RGPD1: variants seen among roughly 807,000 people sequenced by gnomAD.
The protein encoded by RGPD1 is RANBP2 like and GRIP domain containing 1, also known as RANBP2-like and GRIP domain-containing protein 1.
RGPD1 carries 7 observed loss-of-function variants against 40.6 expected under a neutral mutation model. That is an observed-to-expected ratio of 0.17 (90% CI 0.10 to 0.32). The LOEUF (loss-of-function observed/expected upper bound fraction) is 0.32. RGPD1 is among the 10% of genes least tolerant of loss of function. The pLI, the probability that RGPD1 is intolerant of heterozygous loss-of-function variation, is 1.00. For missense variants in RGPD1, 50 were observed against 472.5 expected (o/e 0.11, Z 8.29); for synonymous variants, 24 against 167.0 (o/e 0.14, Z 6.60).
At position 86,930,737 on chromosome 2, in the gene RGPD1, G is replaced by A. The variant is rs1480913417; in HGVS notation, c.72+16816G>A. 114 of 1,499,452 alleles carry A rather than the reference G, an allele frequency of 7.6e-5. 5 individuals carry two copies. The East Asian group carries it at 2.4e-3, about 32-fold the overall frequency. The allele number at this position is 1,499,452 out of a possible 1,614,324, so 92.9% of individuals were successfully genotyped here. A position where few individuals can be genotyped will look rare whatever the true frequency, so the allele number is the denominator to read the frequency against. ...CCCAGGCCTCCTCGCTGCCGTTCCC[G>A]CTGCTGGCCCGAGCCATACCTCCAC... On this transcript the variant is annotated intron_variant, in intron 1 of 22. Transcript: ENST00000398193.
chr2:86,941,825 C>T (rs1302493521), upstream of RGPD1, among the ~76,000 whole-genome samples: 1 of 151,284 alleles, frequency 6.6e-6, no homozygotes, highest in Non-Finnish European at 1.5e-5. Flanking sequence ...ATTCTCGTGC[C>T]TCAGCCTCCC....
At chr2:86,915,134 G>A (rs1365012185) in intron 1 of RGPD1, among the ~76,000 whole-genome samples, 4 of 149,736 alleles carry the variant, frequency 2.7e-5, no homozygotes, top group African/African-American at 7.4e-5. Context: ...TTTCTCTACT[G>A]AAAATACAAA....
chr2:86,943,907 G>A (rs543322929), intron 1 of RGPD1, among the ~76,000 whole-genome samples: 3 of 151,994 alleles, frequency 2.0e-5, no homozygotes, highest in African/African-American at 4.8e-5. Context: ...CCAGCTACCC[G>A]GGAGGCTGAG....
chr2:86,931,727 T>G (rs1421256528), intron 1 of RGPD1, among the ~76,000 whole-genome samples: 2 of 151,574 alleles, frequency 1.3e-5, no homozygotes, highest in Non-Finnish European at 2.9e-5. Flanking sequence ...TCCAAGTAGT[T>G]TCTAAAGAGA....
chr2:86,925,630 T>C, intron 1 of RGPD1, among the ~76,000 whole-genome samples: 1 of 152,138 alleles, frequency 6.6e-6, no homozygotes, highest in East Asian at 1.9e-4. Flanking sequence ...GGAAAAAAAA[T>C]GAAGCCTATG....
At chr2:86,931,898 CAT>C (rs1220539095) in intron 1 of RGPD1, among the ~76,000 whole-genome samples, 2 of 147,916 alleles carry the variant, frequency 1.4e-5, no homozygotes, top group African/African-American at 4.9e-5. Flanking sequence ...GGTAGTTAGA[CAT>C]ATAGACAGAG....
At position 86,942,261 on chromosome 2, in the gene RGPD1, G is replaced by C; in HGVS notation, c.25G>C (p.Glu9Gln). Residue 9 changes from glutamate to glutamine, a missense_variant, in exon 1 of 23, where the codon GAG (glutamate) becomes CAG (glutamine). Coordinates refer to ENST00000641458, the MANE Select transcript of RGPD1 (RefSeq NM_001382344.1). The part of the protein sequence containing the change: MRRSKAYG[E>Q]RYVASVQGSA... The stretch of plus-strand genomic sequence containing the variant: ...GATGAGGCGCAGCAAGGCCTACGGG[G>C]AGCGGTACGTCGCCTCGGTGCAGGG... 3.7e-6 allele frequency: 6 copies of C among 1,607,640 alleles called. No homozygotes were observed. The highest frequency in any genetic ancestry group is 5.1e-6 in the Non-Finnish European group (6 of 1,178,026).
intron 6 of RGPD1, among the ~76,000 whole-genome samples, chr2:86,962,587 A>G (rs2104812955): frequency 7.6e-6 from 1 of 130,962 alleles, no homozygotes; most frequent in Non-Finnish European, 1.6e-5. Context: ...CAATTGCTGT[A>G]TTGATACTCA....
chr2:86,941,129 GAT>G (rs1558797702), upstream of RGPD1, among the ~76,000 whole-genome samples: 1 of 152,142 alleles, frequency 6.6e-6, no homozygotes, highest in Non-Finnish European at 1.5e-5. Flanking sequence ...CAACGCATTT[GAT>G]ATTTGTCCAC....
chr2:87,000,281 A>G (rs1343186540), intron 22 of RGPD1, among the ~76,000 whole-genome samples: 1 of 136,160 alleles, frequency 7.3e-6, no homozygotes, highest in Non-Finnish European at 1.5e-5. Flanking sequence ...TATTATCTCA[A>G]AATACTCAGC....
chr2:86,988,224 A>C (rs1288015382), intron 20 of RGPD1, among the ~76,000 whole-genome samples: 56 of 131,936 alleles, frequency 4.2e-4, no homozygotes, highest in Non-Finnish European at 4.3e-4. Context: ...TGGGCAGATC[A>C]CTTGAGCTCA....
At chr2:86,915,280 AGTTAGGGTTAGG>A (rs1290684740) in intron 1 of RGPD1, among the ~76,000 whole-genome samples, 2 of 150,824 alleles carry the variant, frequency 1.3e-5, no homozygotes, top group African/African-American at 4.9e-5. Context: ...TAGGTGATAG[AGTTAGGGTTAGG>A]GTTAGGGTTA....
At chr2:86,942,685 GGGCGGCGGTGGCCTCGACGTGGCCC>G (rs1242542906) in intron 1 of RGPD1, among the ~76,000 whole-genome samples, 4 of 137,584 alleles carry the variant, frequency 2.9e-5, no homozygotes, top group East Asian at 2.2e-4. Context: ...CGACCTGGCC[GGGCGGCGGTGGCCTCGACGTGGCCC>G]GGCGGCGGCC....
upstream of RGPD1, among the ~76,000 whole-genome samples, chr2:86,938,494 A>G (rs1043186668): frequency 1.4e-5 from 2 of 143,044 alleles, no homozygotes; most frequent in African/African-American, 5.5e-5. Context: ...TACATATGCT[A>G]TTTAGGTTGA....
At chr2:86,914,699 CGGCGGCGGCCTCGACCTGGCCG>C (rs1677689345) in intron 1 of RGPD1, among the ~76,000 whole-genome samples, 3 of 43,470 alleles carry the variant, frequency 6.9e-5, no homozygotes, top group African/African-American at 1.0e-4. Context: ...GCGGCGGCGG[CGGCGGCGGCCTCGACCTGGCCG>C]GGCGGCGGCG....
At chr2:86,984,956 C>G in intron 19 of RGPD1, 108 bp downstream of exon 19, 1 of 13,728 alleles carries the variant, frequency 7.3e-5, no homozygotes, top group Non-Finnish European at 9.3e-5. Context: ...TTTTATGTCC[C>G]TTAAAATGTA....
intron 1 of RGPD1, among the ~76,000 whole-genome samples, chr2:86,923,254 G>C (rs1362845625): frequency 6.6e-6 from 1 of 151,238 alleles, no homozygotes; most frequent in Admixed American, 6.6e-5. Flanking sequence ...GGCCAGGCTG[G>C]TCTCCAACTC....
intron 1 of RGPD1, among the ~76,000 whole-genome samples, chr2:86,914,148 G>GCGA (rs1677609377): frequency 7.7e-5 from 7 of 91,354 alleles, no homozygotes; most frequent in Non-Finnish European, 1.1e-4. Flanking sequence ...GGCGGCGGCG[G>GCGA]CGGCGGCGGC....
intron 1 of RGPD1, chr2:86,913,990 C>CGGCCTCGACCTGGCCG (rs1677577147): frequency 1.1e-6 from 1 of 896,780 alleles, no homozygotes; most frequent in African/African-American, 5.4e-5. Flanking sequence ...GGCCGGGCGG[C>CGGCCTCGACCTGGCCG]GGCGGCGGCC....
Sources: allele counts gnomAD v4.1 joint callset (sites outside exome capture counted in the v4.1 genomes callset), GRCh38; gene constraint gnomAD v4.1.1; transcripts MANE v1.5; gene names NCBI Gene and HGNC (gene_info 2026-07-23, HGNC 2026-07-21).